The following AGBL4 variants were observed in gnomAD, a reference collection of about 807,000 sequenced individuals.
AGBL4 encodes AGBL carboxypeptidase 4.
Under a neutral mutation model 66.4 loss-of-function variants are expected in AGBL4, and 58 were observed. The ratio of observed to expected loss-of-function variants is 0.87; its 90% CI spans 0.71 to 1.09. The LOEUF is 1.09. Ranked by LOEUF, AGBL4 falls within the 50% of genes least tolerant of loss-of-function variation. The probability of loss-of-function intolerance (pLI) is 0.00; values close to 1 mark genes in which losing one functional copy is unlikely to be tolerated. For missense variants in AGBL4, 579 were observed against 631.0 expected (o/e 0.92, Z 0.88); for synonymous variants, 234 against 222.9 (o/e 1.05, Z -0.44).
chr1:49,110,946 A>G (rs1282626031), intron 4 of AGBL4, among the ~76,000 whole-genome samples: 5 of 152,076 alleles, frequency 3.3e-5, no homozygotes, highest in Non-Finnish European at 7.3e-5. Context: ...TCTCCATAGA[A>G]GCCAATGTAT....
chr1:48,893,603 T>C (rs983240866), intron 5 of AGBL4, among the ~76,000 whole-genome samples: 13 of 151,878 alleles, frequency 8.6e-5, no homozygotes, highest in African/African-American at 2.9e-4. Flanking sequence ...GAGAATGGTG[T>C]GGACCTGAGA....
intron 9 of AGBL4, among the ~76,000 whole-genome samples, chr1:48,600,918 C>T (rs1250341461): frequency 6.6e-6 from 1 of 152,152 alleles, no homozygotes; most frequent in East Asian, 1.9e-4. Flanking sequence ...CAGGAAGAGC[C>T]AGGTCTGGCC....
chr1:49,884,666 G>A (rs1480785772), intron 1 of AGBL4, among the ~76,000 whole-genome samples: 1 of 151,614 alleles, frequency 6.6e-6, no homozygotes, highest in Admixed American at 6.6e-5. Flanking sequence ...ATTTAAGGAA[G>A]TTAGAGATGG....
At position 49,942,149 on chromosome 1, in the gene AGBL4, T is replaced by C. The variant is rs146844029; in HGVS notation, c.34+81614A>G. On this transcript the variant is annotated intron_variant, in intron 1 of 13. Coordinates refer to ENST00000371839, the MANE Select transcript of AGBL4 (RefSeq NM_032785.4). Reference sequence around the variant, plus strand: ...TAAATTCATTCAAGTAAATAACATATTTGTACACTGAAAACTACAAAGTGA... The same window carrying C: ...TAAATTCATTCAAGTAAATAACATACTTGTACACTGAAAACTACAAAGTGA... 8.1e-4 allele frequency among the ~76,000 whole-genome samples: 123 copies of C among 152,186 alleles called. 2 individuals are homozygous for C. In the East Asian group the frequency reaches 0.019, roughly 24 times the overall value.
chr1:49,799,872 A>C (rs1355295950), intron 2 of AGBL4, among the ~76,000 whole-genome samples: 1 of 152,174 alleles, frequency 6.6e-6, no homozygotes, highest in Admixed American at 6.5e-5. Flanking sequence ...AGTGACCCAG[A>C]TGGACACAGA....
chr1:48,897,489 G>T (rs1046677810), intron 5 of AGBL4, among the ~76,000 whole-genome samples: 2 of 152,090 alleles, frequency 1.3e-5, no homozygotes, highest in Admixed American at 6.5e-5. Context: ...TTTTGGATAC[G>T]TATTCAGTAG....
intron 3 of AGBL4, among the ~76,000 whole-genome samples, chr1:49,499,849 C>G (rs1257672117): frequency 6.6e-6 from 1 of 151,750 alleles, no homozygotes; most frequent in East Asian, 1.9e-4. Context: ...CATGCATGTG[C>G]AAGTGTCTAT....
At chr1:49,874,976 T>G (rs1214359262) in intron 1 of AGBL4, among the ~76,000 whole-genome samples, 2 of 64,014 alleles carry the variant, frequency 3.1e-5, no homozygotes, top group African/African-American at 1.3e-4. Flanking sequence ...CCCTCCCCCC[T>G]CCCCCCACCC....
intron 4 of AGBL4, among the ~76,000 whole-genome samples, chr1:49,072,512 G>A (rs1051919702): frequency 6.6e-6 from 1 of 152,110 alleles, no homozygotes; most frequent in African/African-American, 2.4e-5. Flanking sequence ...GCTTAGTTTG[G>A]CTAGATATGA....
chr1:49,371,617 C>T (rs1644346925), intron 3 of AGBL4, among the ~76,000 whole-genome samples: 1 of 152,106 alleles, frequency 6.6e-6, no homozygotes, highest in African/African-American at 2.4e-5. Context: ...TTGGCTGTTC[C>T]TCACATGACA....
intron 3 of AGBL4, among the ~76,000 whole-genome samples, chr1:49,262,416 G>GGCTA (rs1653281889): frequency 6.6e-6 from 1 of 151,904 alleles, no homozygotes; most frequent in South Asian, 2.1e-4. Context: ...TCTGACAAAG[G>GGCTA]GCTAATATCC....
At chr1:49,917,613 AG>A (rs1181841897) in intron 1 of AGBL4, among the ~76,000 whole-genome samples, 1 of 152,170 alleles carries the variant, frequency 6.6e-6, no homozygotes, top group Non-Finnish European at 1.5e-5. Flanking sequence ...AAAGAGACTT[AG>A]ACTCCCACAC....
chr1:49,563,977 C>G (rs960101245), intron 3 of AGBL4, among the ~76,000 whole-genome samples: 3 of 152,152 alleles, frequency 2.0e-5, no homozygotes, highest in Admixed American at 6.5e-5. Flanking sequence ...ATTATTGCCT[C>G]AATTTCAGAG....
chr1:49,908,879 T>A (rs1650541228), intron 1 of AGBL4, among the ~76,000 whole-genome samples: 1 of 152,230 alleles, frequency 6.6e-6, no homozygotes, highest in Non-Finnish European at 1.5e-5. Flanking sequence ...CCATTAATAA[T>A]ACTTCATGAA....
chr1:49,165,937 A>C (rs912000027), intron 4 of AGBL4, among the ~76,000 whole-genome samples: 1 of 152,038 alleles, frequency 6.6e-6, no homozygotes, highest in Non-Finnish European at 1.5e-5. Context: ...CCAACCATGA[A>C]TAGGACATGG....
intron 3 of AGBL4, among the ~76,000 whole-genome samples, chr1:49,386,937 A>C (rs546498000): frequency 6.6e-6 from 1 of 151,978 alleles, no homozygotes; most frequent in Non-Finnish European, 1.5e-5. Flanking sequence ...CTATCTCATG[A>C]GAATTAAATA....
intron 3 of AGBL4, among the ~76,000 whole-genome samples, chr1:49,629,961 G>C (rs945223639): frequency 6.6e-6 from 1 of 152,086 alleles, no homozygotes. Context: ...GCATCCATCT[G>C]GTTTGTCGAT....
chr1:49,355,609 C>T, intron 3 of AGBL4, among the ~76,000 whole-genome samples: 1 of 152,178 alleles, frequency 6.6e-6, no homozygotes, highest in East Asian at 1.9e-4. Context: ...ATCCAAACTC[C>T]TTAGTAGAGC....
At chr1:49,624,002 A>AGAGTGTGT (rs1553237982) in intron 3 of AGBL4, among the ~76,000 whole-genome samples, 10 of 149,450 alleles carry the variant, frequency 6.7e-5, no homozygotes, top group African/African-American at 2.5e-4. Flanking sequence ...GATGAGAGAG[A>AGAGTGTGT]GTGTGTGTGT....
Sources: gnomAD v4.1 joint callset for allele counts (sites outside exome capture counted in the v4.1 genomes callset) on GRCh38, gnomAD v4.1.1 for gene constraint, MANE v1.5 for transcripts, NCBI Gene and HGNC (gene_info 2026-07-23, HGNC 2026-07-21) for gene names.